ABCA4: variants seen among roughly 807,000 people sequenced by gnomAD.
ABCA4 encodes ATP binding cassette subfamily A member 4.
Under a neutral mutation model 263.7 loss-of-function variants are expected in ABCA4, and 196 were observed. That is an observed-to-expected ratio of 0.74 (90% CI 0.66 to 0.84). The LOEUF is 0.84. Among genes scored for constraint, ABCA4 ranks in the 40% least tolerant of loss-of-function variants. ABCA4 has a pLI of 0.00. For missense variants in ABCA4, 2,792 were observed against 2,855.1 expected (o/e 0.98, Z 0.50); for synonymous variants, 1,133 against 1,094.2 (o/e 1.04, Z -0.70).
chr1:94,071,262 A>G (rs1379585917), intron 11 of ABCA4, among the ~76,000 whole-genome samples: 2 of 152,252 alleles, frequency 1.3e-5, no homozygotes, highest in East Asian at 3.8e-4. Context: ...AGGTAGCTCA[A>G]TCCATGCAAA....
chr1:94,119,896 C>T (rs567373571), intron 1 of ABCA4, among the ~76,000 whole-genome samples: 4 of 152,264 alleles, frequency 2.6e-5, no homozygotes, highest in East Asian at 1.9e-4. Context: ...GTTCTCTTCT[C>T]GCCTAAAGCA....
At chr1:94,035,738 T>C (rs543503665) in intron 26 of ABCA4, among the ~76,000 whole-genome samples, 1 of 152,178 alleles carries the variant, frequency 6.6e-6, no homozygotes, top group Non-Finnish European at 1.5e-5. Flanking sequence ...ACAGTGTGGG[T>C]GGACACCTCG....
intron 13 of ABCA4, chr1:94,061,361 G>C (rs1051172211): frequency 6.2e-6 from 1 of 160,356 alleles, no homozygotes; most frequent in Non-Finnish European, 1.4e-5. Context: ...TGCACAGGTG[G>C]AGGAGACCCT....
chr1:94,039,651 C>T (rs887734343), intron 24 of ABCA4, among the ~76,000 whole-genome samples: 1 of 152,198 alleles, frequency 6.6e-6, no homozygotes, highest in Non-Finnish European at 1.5e-5. Flanking sequence ...TCTGACTCCA[C>T]GAATTCACTG....
intron 7 of ABCA4, among the ~76,000 whole-genome samples, chr1:94,082,789 A>G (rs1310209638): frequency 6.6e-6 from 1 of 152,302 alleles, no homozygotes; most frequent in East Asian, 1.9e-4. Flanking sequence ...TCATATCCCC[A>G]GCACCTCTTA....
At chr1:94,032,764 G>A (rs1227495976) in intron 26 of ABCA4, among the ~76,000 whole-genome samples, 3 of 152,102 alleles carry the variant, frequency 2.0e-5, no homozygotes, top group Admixed American at 6.5e-5. Flanking sequence ...GACATCTTAT[G>A]TACACACACA....
intron 4 of ABCA4, among the ~76,000 whole-genome samples, chr1:94,106,618 C>A (rs566704759): frequency 6.6e-6 from 1 of 152,322 alleles, no homozygotes; most frequent in African/African-American, 2.4e-5. Flanking sequence ...CCCAGGGCAA[C>A]AAAGAATGGA....
rs61752412 is a variant in ABCA4, at chr1:94,043,363, G to C, written c.3163C>G (p.Arg1055Gly). 1.2e-6 allele frequency: 2 copies of C among 1,614,040 alleles called. No individual in the cohort carries two copies. The highest frequency in any genetic ancestry group is 1.7e-6 in the Non-Finnish European group (2 of 1,180,022). ...MLEDTGLHHK[R>G]NEEAQDLSGG... is the part of the protein sequence containing the mutation. The stretch of plus-strand genomic sequence containing the variant: ...GATAGGTCCTGAGCCTCTTCATTCC[G>C]CTTGTGGTGGAGGCCTGTGTCCTCC... The change falls in exon 21 of 50, where the codon CGG becomes GGG. Residue 1055 changes from arginine to glycine, a missense_variant. Transcript: ENST00000370225.
In ABCA4 at chr1:94,043,435, T is replaced by G; in HGVS notation, c.3091A>C (p.Lys1031Gln). Residue 1031 changes from lysine (K) to glutamine (Q), a missense_variant, in exon 21 of 50, where the codon AAA becomes CAA. By Grantham distance (53) the Lys-to-Gln change is moderately conservative. Transcript: ENST00000370225. ...AEHMLFYAQLKGKSQEEAQLE... is the reference protein window; with the variant it reads ...AEHMLFYAQLQGKSQEEAQLE... ...TGGGCCTCCTCCTGGGACTTTCCTT[T>G]CAGCTGGGCATAGAACAGCATGTGC... is the stretch of plus-strand genomic sequence containing the variant. The G allele has an allele frequency of 6.2e-7, 1 of 1,614,154 alleles. No homozygotes were observed. Among genetic ancestry groups the G allele is most frequent in the Non-Finnish European group, 8.5e-7 (1 of 1,180,032 alleles).
intron 1 of ABCA4, among the ~76,000 whole-genome samples, chr1:94,114,855 A>T (rs563644583): frequency 7.9e-4 from 121 of 152,330 alleles, no homozygotes; most frequent in African/African-American, 2.7e-3. Flanking sequence ...TGAAGCCCTC[A>T]AGGGCAGTAA....
intron 11 of ABCA4, among the ~76,000 whole-genome samples, chr1:94,064,371 G>A (rs79852983): frequency 0.014 from 2,112 of 152,330 alleles, 52 homozygotes; most frequent in African/African-American, 0.048. Flanking sequence ...GCGGAGGGAC[G>A]CAGCTAAGTC....
At position 94,062,662 on chromosome 1, in the gene ABCA4, C is replaced by T. The variant is rs1661163134; in HGVS notation, c.1852G>A (p.Gly618Arg). 1.2e-6 allele frequency: 2 copies of T among 1,614,180 alleles called. No individual in the cohort carries two copies. Among genetic ancestry groups the T allele is most frequent in the Non-Finnish European group, 1.7e-6 (2 of 1,180,042 alleles). The change falls in exon 13 of 50, where the codon GGG becomes AGG. Residue 618 changes from glycine (G) to arginine (R), a missense_variant. By Grantham distance (125) the Gly-to-Arg change is moderately radical (BLOSUM62 -2). Transcript: ENST00000370225. The stretch of plus-strand genomic sequence containing the variant: ...GCCTGCACCTGGCTCCTTGTGATCC[C>T]CTGTTCAACCATGTCCTGCAGATAG... ...FAYLQDMVEQ[G>R]ITRSQVQAEA...
chr1:94,001,949 G>A lies in ABCA4; in HGVS notation c.6191C>T (p.Ala2064Val), dbSNP rs1362964563. ...ACTGTACGTGCCAGCCAGGCAGTCG[G>A]CGTAGACAGTCAGGCCCAGGCTCTT... ...SIKSLGLTVYADCLAGTYSGG... is the reference protein window; with the variant it reads ...SIKSLGLTVYVDCLAGTYSGG... Residue 2064 changes from alanine (A) to valine (V), a missense_variant, in exon 45 of 50, where the codon GCC (alanine) becomes GTC (valine). Physicochemically the swap from Ala to Val is moderately conservative, Grantham distance 64. Transcript: ENST00000370225. 3 of 1,614,204 alleles carry A rather than the reference G, an allele frequency of 1.9e-6. No individual in the cohort carries two copies. Among genetic ancestry groups the A allele is most frequent in the South Asian group, 2.2e-5 (2 of 91,084 alleles).
chr1:94,064,034 T>C (rs1295681652), intron 11 of ABCA4, among the ~76,000 whole-genome samples: 1 of 152,216 alleles, frequency 6.6e-6, no homozygotes, highest in East Asian at 1.9e-4. Context: ...TTAAAGCACT[T>C]ATATTGCTAT....
intron 43 of ABCA4, among the ~76,000 whole-genome samples, chr1:94,006,963 C>T (rs1308973945): frequency 2.6e-5 from 4 of 152,248 alleles, no homozygotes; most frequent in Non-Finnish European, 5.9e-5. Context: ...CTGTCCTGCC[C>T]ATAGGGGACC....
intron 1 of ABCA4, among the ~76,000 whole-genome samples, chr1:94,116,391 T>C (rs139873126): frequency 1.4e-3 from 206 of 152,208 alleles, no homozygotes; most frequent in African/African-American, 4.7e-3. Context: ...CATCAGAATC[T>C]TGGGGCATGG....
At chr1:94,023,448 A>T in intron 31 of ABCA4, 30 bp from the exon 32 acceptor site, 1 of 1,578,252 alleles carries the variant, frequency 6.3e-7, no homozygotes, top group Non-Finnish European at 8.7e-7. Flanking sequence ...AATGCAATGA[A>T]TACCACAAGT....
intron 7 of ABCA4, among the ~76,000 whole-genome samples, chr1:94,081,965 A>C (rs1480872050): frequency 6.6e-6 from 1 of 152,240 alleles, no homozygotes; most frequent in African/African-American, 2.4e-5. Context: ...GGAATTTATA[A>C]AACCATTAGG....
intron 30 of ABCA4, among the ~76,000 whole-genome samples, chr1:94,029,049 G>T (rs2101032842): frequency 6.6e-6 from 1 of 152,058 alleles, no homozygotes; most frequent in East Asian, 1.9e-4. Context: ...ACAATATTTG[G>T]AATATAATCT....
Sources: gnomAD v4.1 joint callset for allele counts (sites outside exome capture counted in the v4.1 genomes callset) on GRCh38, gnomAD v4.1.1 for gene constraint, MANE v1.5 for transcripts, NCBI Gene and HGNC (gene_info 2026-07-23, HGNC 2026-07-21) for gene names.